DPY19L4: variants seen among roughly 807,000 people sequenced by gnomAD.
The protein encoded by DPY19L4 is dpy-19 like 4, also known as probable C-mannosyltransferase DPY19L4.
A neutral mutation model predicts 102.8 loss-of-function variants in DPY19L4; 97 were observed. The ratio of observed to expected loss-of-function variants is 0.94; its 90% CI spans 0.80 to 1.12. The LOEUF (loss-of-function observed/expected upper bound fraction) is 1.12, where lower values mean the gene tolerates loss of function less well. Among genes scored for constraint, DPY19L4 ranks in the 50% most tolerant of loss-of-function variants. The pLI is 0.00. For synonymous variants in DPY19L4, 252 were observed against 283.1 expected (o/e 0.89, Z 1.10); for missense variants, 815 against 850.4 (o/e 0.96, Z 0.52).
At chr8:94,747,098 A>G (rs1442321902) in intron 6 of DPY19L4, among the ~76,000 whole-genome samples, 3 of 151,580 alleles carry the variant, frequency 2.0e-5, no homozygotes, top group Non-Finnish European at 4.4e-5. Flanking sequence ...TCTCACTCCC[A>G]TCACCCAGGC....
intron 2 of DPY19L4, among the ~76,000 whole-genome samples, chr8:94,731,320 T>C (rs752257451): frequency 6.6e-6 from 1 of 152,266 alleles, no homozygotes; most frequent in Non-Finnish European, 1.5e-5. Context: ...TTTTCAGGTA[T>C]GCTTGTGTAG....
chr8:94,790,206 C>G lies in DPY19L4; in HGVS notation c.*296C>G, dbSNP rs183306323. On this transcript the variant is annotated 3_prime_UTR_variant, in exon 19 of 19. Coordinates refer to ENST00000414645, the MANE Select transcript of DPY19L4 (RefSeq NM_181787.3). ...ATATTTTCCCCATAAAATCTTCATT[C>G]TATTATAATATTGATCTTGAATTTG... 5.2e-6 allele frequency: 1 copy of G among 192,582 alleles called. No individual in the cohort carries two copies. Among genetic ancestry groups the G allele is most frequent in the Admixed American group, 6.0e-5 (1 of 16,586 alleles). 11.9% of individuals were successfully genotyped at this position (192,582 alleles called of 1,614,324 possible). A position where few individuals can be genotyped will look rare whatever the true frequency, so the allele number is the denominator to read the frequency against.
chr8:94,739,694 A>C lies in DPY19L4; in HGVS notation c.515A>C (p.Gln172Pro). The change falls in exon 6 of 19, where the codon CAA becomes CCA. Residue 172 changes from glutamine (Q) to proline (P), a missense_variant. Gln to Pro is a moderately conservative substitution (Grantham distance 76). Coordinates refer to ENST00000414645, the MANE Select transcript of DPY19L4 (RefSeq NM_181787.3). ...TATATTGGCATTGTTTTTGGATTGC[A>C]AGGAATATATGTTACTGCTTTATTT... ...YFYIGIVFGL[Q>P]GIYVTALFVT... 1 of 1,614,074 alleles carries C rather than the reference A, an allele frequency of 6.2e-7. No individual in the cohort carries two copies. Among genetic ancestry groups the C allele is most frequent in the South Asian group, 1.1e-5 (1 of 91,066 alleles).
At chr8:94,738,107 A>G (rs1811266898) in intron 3 of DPY19L4, among the ~76,000 whole-genome samples, 1 of 151,668 alleles carries the variant, frequency 6.6e-6, no homozygotes, top group South Asian at 2.1e-4. Context: ...TCATGAGGTC[A>G]GGAGATCGAA....
intron 13 of DPY19L4, among the ~76,000 whole-genome samples, chr8:94,773,745 T>C (rs1342975506): frequency 6.6e-6 from 1 of 151,688 alleles, no homozygotes; most frequent in Non-Finnish European, 1.5e-5. Context: ...TTTGTGTTTT[T>C]GAGAGACAGG....
At chr8:94,755,892 A>G (rs1271477362) in intron 6 of DPY19L4, 144 bp from the exon 7 acceptor site, 15 of 831,090 alleles carry the variant, frequency 1.8e-5, no homozygotes, top group Admixed American at 3.5e-5. Context: ...CTCAAAAAAA[A>G]AAAGGACAAT....
intron 16 of DPY19L4, among the ~76,000 whole-genome samples, chr8:94,782,249 T>C (rs1813462543): frequency 6.6e-6 from 1 of 152,198 alleles, no homozygotes; most frequent in Non-Finnish European, 1.5e-5. Context: ...TAGGGTTGGC[T>C]ATGTGTCAGC....
At chr8:94,763,913 A>G (rs1278709712) in intron 8 of DPY19L4, among the ~76,000 whole-genome samples, 1 of 152,098 alleles carries the variant, frequency 6.6e-6, no homozygotes, top group Non-Finnish European at 1.5e-5. Context: ...GGCTCAAGCC[A>G]TCCTCCCGCC....
At chr8:94,780,246 G>C in intron 14 of DPY19L4, 113 bp from the exon 15 acceptor site, 1 of 788,950 alleles carries the variant, frequency 1.3e-6, no homozygotes, top group South Asian at 4.8e-5. Context: ...CATTTTTTTT[G>C]AAATTTGTAT....
At chr8:94,742,772 G>A (rs1049877999) in intron 6 of DPY19L4, among the ~76,000 whole-genome samples, 1 of 151,786 alleles carries the variant, frequency 6.6e-6, no homozygotes, top group Non-Finnish European at 1.5e-5. Flanking sequence ...TATTGGCCAG[G>A]CTGGTCTTGA....
At chr8:94,770,408 A>G (rs1812873351) in intron 12 of DPY19L4, 44 bp from the exon 13 acceptor site, 1 of 1,552,618 alleles carries the variant, frequency 6.4e-7, no homozygotes, top group Non-Finnish European at 8.7e-7. Flanking sequence ...GGTTTTTTAC[A>G]AATACATTTT....
intron 1 of DPY19L4, among the ~76,000 whole-genome samples, chr8:94,721,393 T>C (rs955659155): frequency 6.6e-6 from 1 of 152,242 alleles, no homozygotes; most frequent in Middle Eastern, 3.2e-3. Context: ...TTTGTTTCCA[T>C]TGAGTTTTCA....
At chr8:94,725,721 C>T (rs191249937) in intron 1 of DPY19L4, among the ~76,000 whole-genome samples, 8 of 152,192 alleles carry the variant, frequency 5.3e-5, no homozygotes, top group Admixed American at 4.6e-4. Flanking sequence ...CTGCAAGCTC[C>T]GCCTTCTGGG....
intron 12 of DPY19L4, 75 bp downstream of exon 12, chr8:94,768,628 C>A: frequency 1.1e-6 from 1 of 884,738 alleles, no homozygotes; most frequent in Non-Finnish European, 1.6e-6. Context: ...TTTTAATATT[C>A]TTCCAAGATT....
rs149884672 is a variant in DPY19L4 at position 94,738,453 on chromosome 8, G to C, written c.337G>C (p.Glu113Gln). Residue 113 changes from glutamate to glutamine, a missense_variant, in exon 4 of 19, where the codon GAA becomes CAA. Transcript: ENST00000414645. ...AGATATGTTAAAGGCACCTTCATTT[G>C]AAAGAGGTATGATAATCACAGTTAT... Reference protein sequence around the residue: ...YKDMLKAPSFERGVYELTHNN... With the variant: ...YKDMLKAPSFQRGVYELTHNN... 462 of 1,518,744 alleles carry C rather than the reference G, an allele frequency of 3.0e-4. 2 individuals are homozygous for C. The African/African-American group carries it at 5.0e-3, about 16-fold the overall frequency. 94.1% of individuals were successfully genotyped at this position (1,518,744 alleles called of 1,614,324 possible).
At chr8:94,747,759 A>G (rs1052363001) in intron 6 of DPY19L4, among the ~76,000 whole-genome samples, 1 of 151,672 alleles carries the variant, frequency 6.6e-6, no homozygotes, top group Non-Finnish European at 1.5e-5. Flanking sequence ...ATGGGGTTTC[A>G]CCATGTTAGC....
At chr8:94,724,658 G>T (rs943551572) in intron 1 of DPY19L4, among the ~76,000 whole-genome samples, 2 of 114,920 alleles carry the variant, frequency 1.7e-5, no homozygotes, top group Non-Finnish European at 3.8e-5. Context: ...GCGCGATCTC[G>T]GGTCACTGCA....
chr8:94,739,469 G>A lies in DPY19L4; in HGVS notation c.400G>A (p.Val134Met), dbSNP rs747314417. The A allele has an allele frequency of 6.2e-7, 1 of 1,609,444 alleles. No homozygotes were observed. The highest frequency in any genetic ancestry group is 1.7e-4 in the Middle Eastern group (1 of 6,032). The change falls in exon 5 of 19, where the codon GTG becomes ATG. Residue 134 changes from valine (V) to methionine (M), a missense_variant. Transcript: ENST00000414645. The part of the protein sequence containing the change: ...KTVSLKTINA[V>M]QQMSLYPELI... Reference sequence around the variant, plus strand: ...TGTATCTCTGAAGACTATAAATGCAGTGCAGCAAATGTCTCTGTATCCGGA... The same window carrying A: ...TGTATCTCTGAAGACTATAAATGCAATGCAGCAAATGTCTCTGTATCCGGA...
Position 94,738,448 on chromosome 8 carries a change from C to T in DPY19L4, c.332C>T (p.Ser111Leu), listed in dbSNP as rs762838877. The stretch of plus-strand genomic sequence containing the variant: ...TATAAAGATATGTTAAAGGCACCTT[C>T]ATTTGAAAGAGGTATGATAATCACA... ...SYYKDMLKAP[S>L]FERGVYELTH... Residue 111 changes from serine (S) to leucine (L), a missense_variant, in exon 4 of 19, where the codon TCA (serine) becomes TTA (leucine). Transcript: ENST00000414645. 1.8e-5 allele frequency: 28 copies of T among 1,532,262 alleles called. 2 individuals are homozygous for T. The South Asian group carries it at 3.3e-4, about 18-fold the overall frequency. 94.9% of individuals were successfully genotyped at this position (1,532,262 alleles called of 1,614,324 possible).
Sources: allele counts gnomAD v4.1 joint callset (sites outside exome capture counted in the v4.1 genomes callset), GRCh38; gene constraint gnomAD v4.1.1; transcripts MANE v1.5; gene names NCBI Gene and HGNC (gene_info 2026-07-23, HGNC 2026-07-21).